GPRC6A: variants seen among roughly 807,000 people sequenced by gnomAD.
GPRC6A encodes the protein G protein-coupled receptor family C group 6 member A.
Under a neutral mutation model 47.0 loss-of-function variants are expected in GPRC6A, and 54 were observed. The observed-to-expected ratio is 1.15, with a 90% confidence interval of 0.92 to 1.44. GPRC6A has a LOEUF of 1.44. GPRC6A is among the 40% of genes most tolerant of loss of function. GPRC6A has a pLI of 0.00. For synonymous variants in GPRC6A, 347 were observed against 377.1 expected, an observed-to-expected ratio of 0.92 and a Z score of 0.93; for missense variants, 1,112 against 1,105.5, an observed-to-expected ratio of 1.01 and a Z score of -0.08.
At chr6:116,828,060 C>T (rs1773727667) in intron 1 of GPRC6A, among the ~76,000 whole-genome samples, 1 of 151,962 alleles carries the variant, frequency 6.6e-6, no homozygotes, top group African/African-American at 2.4e-5. Flanking sequence ...GTTATCCAGG[C>T]CTTTGTTTTA....
At position 116,828,842 on chromosome 6, in the gene GPRC6A, G is replaced by A; in HGVS notation, c.172C>T (p.Pro58Ser). Reference sequence around the variant, plus strand: ...CACCCAACACACTCCTGGATTTGTGGTCGTCTGGGAGAGTCTTCTGAGGAC... The same window carrying A: ...CACCCAACACACTCCTGGATTTGTGATCGTCTGGGAGAGTCTTCTGAGGAC... Reference protein sequence around the residue: ...MLSSEDSPRRPQIQECVGFEI... With the variant: ...MLSSEDSPRRSQIQECVGFEI... The change falls in exon 1 of 6, where the codon CCA (proline) becomes TCA (serine). Residue 58 changes from proline to serine, a missense_variant. Transcript: ENST00000310357. 1 of 1,612,394 alleles carries A rather than the reference G, an allele frequency of 6.2e-7. No individual in the cohort carries two copies.
Position 116,806,542 on chromosome 6 carries a change from G to A in GPRC6A, c.1163C>T (p.Ala388Val), listed in dbSNP as rs766660334. 1.1e-5 allele frequency: 17 copies of A among 1,613,412 alleles called. No individual in the cohort carries two copies. Among genetic ancestry groups the A allele is most frequent in the Non-Finnish European group, 1.4e-5 (17 of 1,179,736 alleles). Reference protein sequence around the residue: ...NHSQRTLAYKANKAIERNFVM... With the variant: ...NHSQRTLAYKVNKAIERNFVM... ...GAAGTTCCTTTCTATAGCCTTGTTA[G>A]CCTTGTAGGCCAAAGTCCTTTGAGA... Residue 388 changes from alanine (A) to valine (V), a missense_variant, in exon 3 of 6, where the codon GCT becomes GTT. By Grantham distance (64) the Ala-to-Val change is moderately conservative (BLOSUM62 0). Coordinates refer to ENST00000310357, the MANE Select transcript of GPRC6A (RefSeq NM_148963.4).
At chr6:116,814,695 A>G (rs1187987628) in intron 1 of GPRC6A, among the ~76,000 whole-genome samples, 1 of 152,154 alleles carries the variant, frequency 6.6e-6, no homozygotes, top group Admixed American at 6.6e-5. Context: ...TGGCTCATGT[A>G]TACCTAAGTA....
Position 116,818,532 on chromosome 6 carries a change from T to TCAAAAAAAAAAAAAAA in GPRC6A, c.195-8916_195-8915insTTTTTTTTTTTTTTTG, listed in dbSNP as rs1554263527. ...CTGGGCGACAGAGCGAGACTCCGTC[T>TCAAAAAAAAAAAAAAA]AAAAAAAAAAAAAAAAAAAAAAAAA... On this transcript the variant is annotated intron_variant, in intron 1 of 5. Transcript: ENST00000310357. Among the ~76,000 whole-genome samples the TCAAAAAAAAAAAAAAA allele has an allele frequency of 4.5e-4, 7 of 15,506 alleles. 2 individuals are homozygous for TCAAAAAAAAAAAAAAA. Among genetic ancestry groups the TCAAAAAAAAAAAAAAA allele is most frequent in the South Asian group, 7.4e-3 (2 of 270 alleles). The allele number at this position is 15,506 out of a possible 152,430, so 10.2% of individuals were successfully genotyped here. A position where few individuals can be genotyped will look rare whatever the true frequency, so the allele number is the denominator to read the frequency against.
intron 1 of GPRC6A, among the ~76,000 whole-genome samples, chr6:116,823,702 A>G (rs983500367): frequency 2.0e-5 from 3 of 152,134 alleles, no homozygotes; most frequent in Admixed American, 6.6e-5. Context: ...TTAGTAATTT[A>G]TAAAGAAAAG....
chr6:116,812,789 A>G (rs976535612), intron 1 of GPRC6A, among the ~76,000 whole-genome samples: 1 of 152,232 alleles, frequency 6.6e-6, no homozygotes, highest in Non-Finnish European at 1.5e-5. Context: ...AATAAACGGT[A>G]TTCAATTAGG....
Position 116,800,695 on chromosome 6 carries a change from C to T in GPRC6A, c.1437G>A (p.Trp479Ter). 1.9e-6 allele frequency: 3 copies of T among 1,610,454 alleles called. No homozygotes were observed. Among genetic ancestry groups the T allele is most frequent in the Non-Finnish European group, 2.5e-6 (3 of 1,176,874 alleles). ...DLNTGYDVVL[W>*]KEINGHMTVT... is the part of the protein sequence containing the mutation. ...CAGTCATGTGTCCATTGATCTCCTT[C>T]CAGAGCACAACATCATATCCAGTAT... Residue 479 changes from tryptophan (W) to a stop codon, truncating the protein, a stop_gained, in exon 4 of 6, where the codon TGG becomes TGA. Coordinates refer to ENST00000310357, the MANE Select transcript of GPRC6A (RefSeq NM_148963.4). LOFTEE classifies it high-confidence loss of function.
intron 1 of GPRC6A, among the ~76,000 whole-genome samples, chr6:116,826,853 A>G (rs1440337260): frequency 6.6e-6 from 1 of 152,012 alleles, no homozygotes; most frequent in Non-Finnish European, 1.5e-5. Context: ...ACACAACAGA[A>G]TAGTACTCAG....
intron 3 of GPRC6A, among the ~76,000 whole-genome samples, chr6:116,804,097 C>T (rs1772764069): frequency 6.6e-6 from 1 of 152,034 alleles, no homozygotes; most frequent in Non-Finnish European, 1.5e-5. Flanking sequence ...TTTCTTTTCT[C>T]ATACATCACT....
chr6:116,810,076 C>T (rs948668380), intron 1 of GPRC6A, among the ~76,000 whole-genome samples: 1 of 152,014 alleles, frequency 6.6e-6, no homozygotes, highest in Non-Finnish European at 1.5e-5. Context: ...ACAGCCTGCT[C>T]CTAGATAAAG....
chr6:116,813,959 T>G (rs1162996671), intron 1 of GPRC6A, among the ~76,000 whole-genome samples: 3 of 152,122 alleles, frequency 2.0e-5, no homozygotes, highest in Non-Finnish European at 4.4e-5. Flanking sequence ...GAACAGACAC[T>G]TCTCAAAAGA....
rs1458502732 is a variant in GPRC6A, at chr6:116,793,062, T to G, written c.1861A>C (p.Thr621Pro). ...CCCCCGGATGATTTCACAACAGGTG[T>G]GTTCAGGTTTCTTGTAAATATTATG... ...VGIIFTRNLNTPVVKSSGGLR... is the reference protein window; with the variant it reads ...VGIIFTRNLNPPVVKSSGGLR... The change falls in exon 6 of 6, where the codon ACA becomes CCA. Residue 621 changes from threonine to proline, a missense_variant. Thr to Pro is a conservative substitution (Grantham distance 38). Transcript: ENST00000310357. 3.7e-6 allele frequency: 6 copies of G among 1,613,848 alleles called. No homozygotes were observed. Among genetic ancestry groups the G allele is most frequent in the South Asian group, 1.1e-5 (1 of 91,036 alleles).
At chr6:116,804,631 T>C (rs1238641245) in intron 3 of GPRC6A, among the ~76,000 whole-genome samples, 1 of 152,098 alleles carries the variant, frequency 6.6e-6, no homozygotes, top group Admixed American at 6.6e-5. Context: ...ATTAACAGGC[T>C]CTGAGGGCAA....
In GPRC6A at chr6:116,792,346, A is replaced by G. The variant is rs1053931715; in HGVS notation, c.2577T>C (p.His859=). The change falls in exon 6 of 6, where the codon CAT becomes CAC. Residue 859 remains histidine (H), a synonymous_variant. Coordinates refer to ENST00000310357, the MANE Select transcript of GPRC6A (RefSeq NM_148963.4). ...GACTCAGGGCAATGCTGCTCACACTATGGGAAGAATAACTGTAGATCATCT... is the reference window on the plus strand; with the variant it reads ...GACTCAGGGCAATGCTGCTCACACTGTGGGAAGAATAACTGTAGATCATCT... ...FLKMIYSYSS[H]SVSSIALSPA... is the part of the protein sequence containing the mutation. The G allele has an allele frequency of 6.2e-7, 1 of 1,614,044 alleles. No individual in the cohort carries two copies. Among genetic ancestry groups the G allele is most frequent in the South Asian group, 1.1e-5 (1 of 91,072 alleles).
chr6:116,812,973 CAG>C (rs1158457685), intron 1 of GPRC6A, among the ~76,000 whole-genome samples: 3 of 152,106 alleles, frequency 2.0e-5, no homozygotes, highest in South Asian at 4.1e-4. Flanking sequence ...AACAGACAAA[CAG>C]AGAGACAAAT....
intron 1 of GPRC6A, among the ~76,000 whole-genome samples, chr6:116,817,870 A>G (rs1361515509): frequency 1.3e-5 from 2 of 152,084 alleles, no homozygotes; most frequent in East Asian, 3.8e-4. Context: ...TCCAAGAAAT[A>G]TGGGACTATG....
intron 1 of GPRC6A, among the ~76,000 whole-genome samples, chr6:116,821,415 C>A (rs575870450): frequency 6.6e-6 from 1 of 152,110 alleles, no homozygotes; most frequent in African/African-American, 2.4e-5. Flanking sequence ...AATCCTAAGC[C>A]AAAAGAACAA....
At chr6:116,817,290 A>ACGGCAG (rs1484328513) in intron 1 of GPRC6A, among the ~76,000 whole-genome samples, 4 of 152,172 alleles carry the variant, frequency 2.6e-5, no homozygotes, top group Non-Finnish European at 5.9e-5. Context: ...GACATCTCAC[A>ACGGCAG]CGGCAGCGTA....
chr6:116,811,406 T>C (rs1466645537), intron 1 of GPRC6A, among the ~76,000 whole-genome samples: 2 of 151,512 alleles, frequency 1.3e-5, no homozygotes, highest in Non-Finnish European at 2.9e-5. Flanking sequence ...GCCAGGAAAA[T>C]GACACTTTTA....
Sources: gnomAD v4.1 joint callset for allele counts (sites outside exome capture counted in the v4.1 genomes callset) on GRCh38, gnomAD v4.1.1 for gene constraint, MANE v1.5 for transcripts, NCBI Gene and HGNC (gene_info 2026-07-23, HGNC 2026-07-21) for gene names.